Variants in ZNF469 observed in about 807,000 individuals in gnomAD.
The protein encoded by ZNF469 is zinc finger protein 469.
In ZNF469, 1 loss-of-function variant was observed where a neutral mutation model predicts 1.0. The ratio of observed to expected loss-of-function variants is 1.00; its 90% CI spans 0.35 to 4.73. ZNF469 has a LOEUF of 4.73. ZNF469 is among the 30% of genes most tolerant of loss of function. The pLI is 0.16. For synonymous variants in ZNF469, 2,703 were observed against 2,363.4 expected (o/e 1.14, Z -4.17); for missense variants, 6,100 against 5,356.3 (o/e 1.14, Z -4.33).
chr16:88,237,065 C>T, the ZNF469 span, among the ~76,000 whole-genome samples: 1 of 150,518 alleles, frequency 6.6e-6, no homozygotes, highest in Non-Finnish European at 1.5e-5. Flanking sequence ...TCTGTGGGTG[C>T]TGACAGATGA....
chr16:88,398,823 A>G (rs1463976965), intron 1 of ZNF469, among the ~76,000 whole-genome samples: 2 of 152,190 alleles, frequency 1.3e-5, no homozygotes, highest in Non-Finnish European at 2.9e-5. Flanking sequence ...TCCGTGACCA[A>G]AGGTCAGGGC....
the ZNF469 span, among the ~76,000 whole-genome samples, chr16:88,263,661 T>A: frequency 1.3e-5 from 2 of 152,046 alleles, no homozygotes; most frequent in African/African-American, 4.8e-5. Flanking sequence ...CAAGCCTCCC[T>A]TTTCCGGGGG....
At chr16:88,159,882 C>T in the ZNF469 span, among the ~76,000 whole-genome samples, 1 of 152,202 alleles carries the variant, frequency 6.6e-6, no homozygotes, top group Non-Finnish European at 1.5e-5. Flanking sequence ...GACTGTGAGG[C>T]GTCAGCACAG....
At chr16:88,135,325 T>A in the ZNF469 span, among the ~76,000 whole-genome samples, 2 of 152,262 alleles carry the variant, frequency 1.3e-5, no homozygotes, top group African/African-American at 4.8e-5. Flanking sequence ...TACTGCTCAA[T>A]GTTTGGAATT....
At chr16:88,353,520 C>T in the ZNF469 span, among the ~76,000 whole-genome samples, 35 of 152,330 alleles carry the variant, frequency 2.3e-4, 3 homozygotes, top group Admixed American at 1.6e-3. Flanking sequence ...GCGCACAACG[C>T]CCTCCGCCAG....
At chr16:88,389,216 T>C (rs1904416950) in intron 1 of ZNF469, among the ~76,000 whole-genome samples, 1 of 152,202 alleles carries the variant, frequency 6.6e-6, no homozygotes, top group African/African-American at 2.4e-5. Context: ...TTCCTGCCTG[T>C]GGATTTGTGC....
At chr16:88,326,031 C>T in the ZNF469 span, among the ~76,000 whole-genome samples, 1 of 152,226 alleles carries the variant, frequency 6.6e-6, no homozygotes, top group Non-Finnish European at 1.5e-5. Context: ...CCAGTGTGAT[C>T]CTGTAGGCAG....
intron 1 of ZNF469, among the ~76,000 whole-genome samples, chr16:88,400,445 A>G (rs1293379475): frequency 6.6e-6 from 1 of 152,198 alleles, no homozygotes; most frequent in African/African-American, 2.4e-5. Context: ...TGCTCCCAGG[A>G]GCTGGCCAGA....
the ZNF469 span, among the ~76,000 whole-genome samples, chr16:88,228,566 T>C: frequency 0.011 from 1,652 of 152,342 alleles, 39 homozygotes; most frequent in African/African-American, 0.039. Context: ...CGTAACTTAT[T>C]TTGAAAGCTC....
chr16:88,397,655 G>GAGATAGATAGTTAGATAGAT (rs1555516250), intron 1 of ZNF469, among the ~76,000 whole-genome samples: 1 of 134,680 alleles, frequency 7.4e-6, no homozygotes, highest in Non-Finnish European at 1.6e-5. Context: ...ATATAAATAA[G>GAGATAGATAGTTAGATAGAT]AGATAGATAG....
chr16:88,363,272 G>C, the ZNF469 span, among the ~76,000 whole-genome samples: 2 of 152,190 alleles, frequency 1.3e-5, no homozygotes, highest in African/African-American at 4.8e-5. Context: ...TGTTGTTGTT[G>C]TTTTTACATG....
At chr16:88,284,324 G>A in the ZNF469 span, among the ~76,000 whole-genome samples, 5 of 152,326 alleles carry the variant, frequency 3.3e-5, no homozygotes, top group African/African-American at 1.2e-4. Context: ...AATGGCTCAC[G>A]CCTATAATCC....
At chr16:88,390,182 C>T (rs1432819736) in intron 1 of ZNF469, among the ~76,000 whole-genome samples, 1 of 152,200 alleles carries the variant, frequency 6.6e-6, no homozygotes, top group East Asian at 1.9e-4. Context: ...CAGAGGGGCT[C>T]ACGGAGGTCA....
At chr16:88,196,534 C>T in the ZNF469 span, among the ~76,000 whole-genome samples, 2 of 152,304 alleles carry the variant, frequency 1.3e-5, no homozygotes, top group East Asian at 1.9e-4. Context: ...CAACTAAAAC[C>T]CACTTCCCCT....
the ZNF469 span, among the ~76,000 whole-genome samples, chr16:88,194,046 G>A: frequency 6.6e-6 from 1 of 152,090 alleles, no homozygotes; most frequent in Non-Finnish European, 1.5e-5. Flanking sequence ...AGCGTGGCCC[G>A]GCACCTGCAG....
At chr16:88,345,533 T>G in the ZNF469 span, among the ~76,000 whole-genome samples, 1 of 152,060 alleles carries the variant, frequency 6.6e-6, no homozygotes, top group Non-Finnish European at 1.5e-5. Flanking sequence ...CCATGAGATG[T>G]GGGCACGTCA....
In ZNF469 at chr16:88,437,903, C is replaced by T. The variant is rs1906712629; in HGVS notation, c.10433C>T (p.Ala3478Val). ...CTGCCCAGCAAACGGCGCAGGGTGG[C>T]CATGCCCGGCAGTGCCCCTGGGCCC... Reference protein sequence around the residue: ...GTLPSKRRRVAMPGSAPGPGE... With the variant: ...GTLPSKRRRVVMPGSAPGPGE... Residue 3478 changes from alanine (A) to valine (V), a missense_variant, in exon 3 of 3, where the codon GCC (alanine) becomes GTC (valine). Coordinates refer to ENST00000565624, the MANE Select transcript of ZNF469 (RefSeq NM_001367624.2). The T allele has an allele frequency of 1.3e-6, 2 of 1,539,928 alleles. No individual in the cohort carries two copies. The highest frequency in any genetic ancestry group is 8.8e-7 in the Non-Finnish European group (1 of 1,140,816).
In ZNF469 at chr16:88,428,518, G is replaced by T. The variant is rs568820656; in HGVS notation, c.1048G>T (p.Asp350Tyr). 2 of 1,549,880 alleles carry T rather than the reference G, an allele frequency of 1.3e-6. No homozygotes were observed. Among genetic ancestry groups the T allele is most frequent in the Admixed American group, 3.9e-5 (2 of 50,994 alleles). ...GCCAGGTGGCCTGAACCGCCACAGC[G>T]ACCTCAGTGGTGCCCTCTCTTCCCC... The part of the protein sequence containing the change: ...GQPGGLNRHS[D>Y]LSGALSSPGA... The change falls in exon 3 of 3, where the codon GAC (aspartate) becomes TAC (tyrosine). Residue 350 changes from aspartate to tyrosine, a missense_variant. By Grantham distance (160) the Asp-to-Tyr change is radical. Coordinates refer to ENST00000565624, the MANE Select transcript of ZNF469 (RefSeq NM_001367624.2).
At chr16:88,189,158 C>G in the ZNF469 span, among the ~76,000 whole-genome samples, 1 of 152,242 alleles carries the variant, frequency 6.6e-6, no homozygotes, top group Non-Finnish European at 1.5e-5. The surrounding 1 kb of genome is among the most constrained non-coding windows in gnomAD (Gnocchi z 4.3). Context: ...GCTGCACTGA[C>G]TCAATTATAC....
Sources: allele counts gnomAD v4.1 joint callset (sites outside exome capture counted in the v4.1 genomes callset), GRCh38; gene constraint gnomAD v4.1.1; non-coding constraint Gnocchi (gnomAD v3.1); transcripts MANE v1.5; gene names NCBI Gene and HGNC (gene_info 2026-07-23, HGNC 2026-07-21).